Variants in MELK observed in about 807,000 individuals in gnomAD.
The protein encoded by MELK is maternal embryonic leucine zipper kinase, also known as pEg3 kinase.
A neutral mutation model predicts 85.0 loss-of-function variants in MELK; 81 were observed. The ratio of observed to expected loss-of-function variants is 0.95; its 90% CI spans 0.80 to 1.15. MELK has a LOEUF of 1.15. MELK is among the 50% of genes most tolerant of loss of function. The pLI, the probability that MELK is intolerant of heterozygous loss-of-function variation, is 0.00. For synonymous variants in MELK, 252 were observed against 265.0 expected (o/e 0.95, Z 0.48); for missense variants, 754 against 777.5 (o/e 0.97, Z 0.36).
At chr9:36,630,873 C>T (rs1268655445) in intron 9 of MELK, among the ~76,000 whole-genome samples, 4 of 151,854 alleles carry the variant, frequency 2.6e-5, no homozygotes, top group Middle Eastern at 3.5e-3. Flanking sequence ...AGGCTGGTCT[C>T]GAACTCCTGA....
intron 10 of MELK, among the ~76,000 whole-genome samples, chr9:36,640,630 T>G (rs557584695): frequency 6.6e-6 from 1 of 152,034 alleles, no homozygotes; most frequent in Non-Finnish European, 1.5e-5. Flanking sequence ...AATATTTTTT[T>G]GTAGTAATGG....
chr9:36,573,226 T>C (rs1821269806), intron 1 of MELK: 1 of 152,266 alleles, frequency 6.6e-6, no homozygotes, highest in African/African-American at 2.4e-5. Flanking sequence ...CCGTGTCTAC[T>C]TAACAGGGTT....
chr9:36,666,827 G>T (rs556850796), intron 14 of MELK, among the ~76,000 whole-genome samples: 2 of 149,616 alleles, frequency 1.3e-5, no homozygotes, highest in African/African-American at 4.9e-5. Flanking sequence ...TGTGAGGCCA[G>T]TTTGGTGTCC....
intron 7 of MELK, among the ~76,000 whole-genome samples, chr9:36,601,177 A>G (rs529058314): frequency 6.6e-6 from 1 of 152,308 alleles, no homozygotes; most frequent in African/African-American, 2.4e-5. Flanking sequence ...TATTTAATTC[A>G]TAATTCATAT....
At chr9:36,625,428 T>C (rs1198294237) in intron 8 of MELK, among the ~76,000 whole-genome samples, 5 of 152,050 alleles carry the variant, frequency 3.3e-5, no homozygotes, top group African/African-American at 1.2e-4. Context: ...TGGGGCCAAG[T>C]AGGTCAGGGC....
intron 7 of MELK, among the ~76,000 whole-genome samples, chr9:36,601,131 C>CAT (rs1278481246): frequency 6.6e-6 from 1 of 151,882 alleles, no homozygotes; most frequent in Admixed American, 6.6e-5. Context: ...CTTTTATAAC[C>CAT]ACACTTTAGT....
chr9:36,584,335 TG>T (rs1822612730), intron 3 of MELK, among the ~76,000 whole-genome samples: 3 of 140,052 alleles, frequency 2.1e-5, no homozygotes, highest in Non-Finnish European at 4.6e-5. Flanking sequence ...TTTTTTTTTT[TG>T]AGACGGAGTT....
intron 13 of MELK, among the ~76,000 whole-genome samples, chr9:36,658,984 C>G (rs1831533372): frequency 6.6e-6 from 1 of 151,506 alleles, no homozygotes; most frequent in Non-Finnish European, 1.5e-5. Context: ...TGGGTTCATG[C>G]CATTCTCCTG....
intron 8 of MELK, among the ~76,000 whole-genome samples, chr9:36,610,114 C>T (rs146238986): frequency 5.7e-4 from 86 of 152,106 alleles, no homozygotes; most frequent in African/African-American, 2.0e-3. Context: ...GTGGGAGAGA[C>T]GTGGGGAGGA....
At chr9:36,657,605 T>A (rs1831380538) in intron 13 of MELK, among the ~76,000 whole-genome samples, 1 of 152,212 alleles carries the variant, frequency 6.6e-6, no homozygotes, top group South Asian at 2.1e-4. Context: ...TATTATTATT[T>A]TTTGAGACTG....
chr9:36,651,920 G>A (rs781341851), intron 12 of MELK, 43 bp downstream of exon 12: 2 of 1,586,630 alleles, frequency 1.3e-6, no homozygotes, highest in African/African-American at 2.7e-5. Context: ...TGCCCTCCCT[G>A]TTCCTGAGTG....
chr9:36,673,129 A>C (rs924825035), intron 16 of MELK, among the ~76,000 whole-genome samples: 3 of 152,188 alleles, frequency 2.0e-5, no homozygotes, highest in East Asian at 1.9e-4. Context: ...TAAGTAGATA[A>C]ATTAGGATTC....
At chr9:36,670,791 T>G (rs900316561) in intron 15 of MELK, among the ~76,000 whole-genome samples, 4 of 152,020 alleles carry the variant, frequency 2.6e-5, no homozygotes, top group African/African-American at 9.7e-5. Flanking sequence ...ATAGTTTTGC[T>G]GAGTGGCAGT....
At chr9:36,646,182 C>A (rs1472692775) in intron 11 of MELK, among the ~76,000 whole-genome samples, 2 of 152,150 alleles carry the variant, frequency 1.3e-5, no homozygotes, top group Non-Finnish European at 2.9e-5. Context: ...GGTTGAGAAA[C>A]CCTTGTCTGG....
chr9:36,628,718 A>G (rs903276371), intron 8 of MELK, among the ~76,000 whole-genome samples: 32 of 151,416 alleles, frequency 2.1e-4, no homozygotes, highest in Non-Finnish European at 3.7e-4. Flanking sequence ...ACATCCGGCC[A>G]ATGATGTTTT....
At chr9:36,593,144 A>T (rs1823804766) in intron 4 of MELK, among the ~76,000 whole-genome samples, 1 of 145,074 alleles carries the variant, frequency 6.9e-6, no homozygotes, top group African/African-American at 2.6e-5. Flanking sequence ...AGTACTGGAC[A>T]TTGTTTCATA....
rs376987701 is a variant in MELK, at chr9:36,652,913, G to A, written c.1053+1036G>A. Among the ~76,000 whole-genome samples the A allele has an allele frequency of 2.6e-4, 40 of 151,958 alleles. No homozygotes were observed. In the East Asian group the frequency reaches 6.6e-3, roughly 25 times the overall value. ...CTTTTAAAGGACACATTATTGAATTGCAGAGAACAAAAAAATTGTTGGGAG... is the reference window on the plus strand; with the variant it reads ...CTTTTAAAGGACACATTATTGAATTACAGAGAACAAAAAAATTGTTGGGAG... On this transcript the variant is annotated intron_variant, in intron 12 of 17. Transcript: ENST00000298048.
In MELK at chr9:36,601,660, A is replaced by G. The variant is rs78585533; in HGVS notation, c.567+2174A>G. 4.3e-3 allele frequency among the ~76,000 whole-genome samples: 659 copies of G among 152,330 alleles called. 2 individuals carry two copies. The highest frequency in any genetic ancestry group is 0.015 in the African/African-American group (634 of 41,566). On this transcript the variant is annotated intron_variant, in intron 7 of 17. Transcript: ENST00000298048. ...TGAAATACAATCACATTGTTGTGCA[A>G]CCGACCTCCAGGGCTCTTTTAATTT...
At chr9:36,583,838 T>C in intron 3 of MELK, 126 bp downstream of exon 3, 2 of 669,726 alleles carry the variant, frequency 3.0e-6, no homozygotes, top group Non-Finnish European at 2.4e-6. Context: ...AAAAAACGTA[T>C]AGATCTGTGG....
Sources: gnomAD v4.1 joint callset for allele counts (sites outside exome capture counted in the v4.1 genomes callset) on GRCh38, gnomAD v4.1.1 for gene constraint, MANE v1.5 for transcripts, NCBI Gene and HGNC (gene_info 2026-07-23, HGNC 2026-07-21) for gene names.